Variants in FBXO5 observed in about 807,000 individuals in gnomAD.
FBXO5 encodes the protein F-box only protein 5.
In FBXO5, 8 loss-of-function variants were observed where a neutral mutation model predicts 43.3. The ratio of observed to expected loss-of-function variants is 0.18; its 90% CI spans 0.11 to 0.33. The LOEUF (loss-of-function observed/expected upper bound fraction) is 0.33, where lower values mean the gene tolerates loss of function less well. FBXO5 is among the 10% of genes least tolerant of loss of function. FBXO5 has a pLI of 1.00. For synonymous variants in FBXO5, 204 were observed against 193.7 expected (o/e 1.05, Z -0.44); for missense variants, 491 against 535.7 (o/e 0.92, Z 0.82).
Position 152,971,433 on chromosome 6 carries a change from C to T in FBXO5, c.1093-19G>A. The T allele has an allele frequency of 6.5e-7, 1 of 1,535,598 alleles. No individual in the cohort carries two copies. Among genetic ancestry groups the T allele is most frequent in the Non-Finnish European group, 8.8e-7 (1 of 1,136,896 alleles). On this transcript the variant is annotated intron_variant, in intron 4 of 4. Coordinates refer to ENST00000229758, the MANE Select transcript of FBXO5 (RefSeq NM_012177.5). ...TGGCAACCTAAAAAGAAAAAAAAAA[C>T]CCATTAACAAATTTCAGCAAGAATT... is the stretch of plus-strand genomic sequence containing the variant.
rs142640766 is a variant in FBXO5 at position 152,972,393 on chromosome 6, G to A, written c.971C>T (p.Pro324Leu). The change falls in exon 4 of 5, where the codon CCA becomes CTA. Residue 324 changes from proline (P) to leucine (L), a missense_variant. Physicochemically the swap from Pro to Leu is moderately conservative, Grantham distance 98. Coordinates refer to ENST00000229758, the MANE Select transcript of FBXO5 (RefSeq NM_012177.5). ...TGCTGATTTCTGAACAGAAGCCAGT[G>A]GGGTTCTGAACATAACATATTCTCT... ...STREYVMFRT[P>L]LASVQKSAAQ... 11 of 1,612,414 alleles carry A rather than the reference G, an allele frequency of 6.8e-6. No homozygotes were observed. The highest frequency in any genetic ancestry group is 8.5e-6 in the Non-Finnish European group (10 of 1,179,028).
chr6:152,978,605 G>A (rs1778211828), intron 1 of FBXO5, among the ~76,000 whole-genome samples: 1 of 151,966 alleles, frequency 6.6e-6, no homozygotes, highest in African/African-American at 2.4e-5. Context: ...ATTAGAATCT[G>A]TACTCTTCCT....
chr6:152,976,460 T>C (rs1336617784), intron 1 of FBXO5, among the ~76,000 whole-genome samples: 1 of 152,180 alleles, frequency 6.6e-6, no homozygotes, highest in Non-Finnish European at 1.5e-5. Context: ...GTACCTTGTC[T>C]AATATGTGCT....
chr6:152,974,052 T>C (rs562229857), intron 2 of FBXO5: 2 of 152,022 alleles, frequency 1.3e-5, no homozygotes, highest in East Asian at 3.9e-4. Flanking sequence ...GTTATCTGAC[T>C]AAGTGATTTT....
chr6:152,971,404 G>A lies in FBXO5; in HGVS notation c.1103C>T (p.Thr368Ile). The A allele has an allele frequency of 1.3e-6, 2 of 1,590,294 alleles. No homozygotes were observed. The highest frequency in any genetic ancestry group is 8.5e-7 in the Non-Finnish European group (1 of 1,173,008). Residue 368 changes from threonine to isoleucine, a missense_variant, in exon 5 of 5, where the codon ACA (threonine) becomes ATA (isoleucine). Coordinates refer to ENST00000229758, the MANE Select transcript of FBXO5 (RefSeq NM_012177.5). ...TTTGAGGCTTTCGTTCTTTTTCAAT[G>A]TCTTGGCAACCTAAAAAGAAAAAAA... Reference protein sequence around the residue: ...RHNEFSEVAKTLKKNESLKAC... With the variant: ...RHNEFSEVAKILKKNESLKAC...
intron 1 of FBXO5, among the ~76,000 whole-genome samples, chr6:152,982,384 C>A (rs1778274704): frequency 6.6e-6 from 1 of 151,214 alleles, no homozygotes; most frequent in Admixed American, 6.6e-5. Context: ...TGTGAGGGTG[C>A]GGGGCAGATG....
chr6:152,983,128 GC>G, upstream of FBXO5: 2 of 426,908 alleles, frequency 4.7e-6, no homozygotes, highest in Non-Finnish European at 8.3e-6. Flanking sequence ...TCGCTTGCAT[GC>G]GCGCACCAAT....
At chr6:152,975,775 T>G (rs1159796421) in intron 1 of FBXO5, among the ~76,000 whole-genome samples, 154 bp from the exon 2 acceptor site, 4 of 152,246 alleles carry the variant, frequency 2.6e-5, no homozygotes, top group African/African-American at 4.8e-5. Context: ...TATTCAAGTT[T>G]AATTATTGAT....
intron 1 of FBXO5, among the ~76,000 whole-genome samples, chr6:152,981,166 T>C (rs1192841035): frequency 6.6e-6 from 1 of 152,190 alleles, no homozygotes; most frequent in Non-Finnish European, 1.5e-5. Flanking sequence ...GAATGTCCTA[T>C]TCCTATTTTT....
In FBXO5 at chr6:152,975,502, T is replaced by C. The variant is rs752429531; in HGVS notation, c.223A>G (p.Thr75Ala). 1.6e-4 allele frequency: 253 copies of C among 1,613,836 alleles called. No homozygotes were observed. In the South Asian group the frequency reaches 2.5e-3, roughly 16 times the overall value. ...CAGGAACCTTCCAAATATGCAGGGG[T>C]GTAGGAAACTAGTCTTCCAATGTCA... is the stretch of plus-strand genomic sequence containing the variant. Reference protein sequence around the residue: ...PDDIGRLVSYTPAYLEGSCKD... With the variant: ...PDDIGRLVSYAPAYLEGSCKD... The change falls in exon 2 of 5, where the codon ACC becomes GCC. Residue 75 changes from threonine to alanine, a missense_variant. Coordinates refer to ENST00000229758, the MANE Select transcript of FBXO5 (RefSeq NM_012177.5).
chr6:152,975,224 C>G lies in FBXO5; in HGVS notation c.501G>C (p.Glu167Asp), dbSNP rs1156382573. The G allele has an allele frequency of 1.2e-6, 2 of 1,614,112 alleles. No homozygotes were observed. The highest frequency in any genetic ancestry group is 1.7e-6 in the Non-Finnish European group (2 of 1,180,010). The change falls in exon 2 of 5, where the codon GAG becomes GAC. Residue 167 changes from glutamate (E) to aspartate (D), a missense_variant. Transcript: ENST00000229758. Reference sequence around the variant, plus strand: ...AGGATTGTAGACTGTCACCGAAATTCTCCTCCAGGAGGCTACCTTCTTCAT... The same window carrying G: ...AGGATTGTAGACTGTCACCGAAATTGTCCTCCAGGAGGCTACCTTCTTCAT... Reference protein sequence around the residue: ...SEHEEGSLLEENFGDSLQSCL... With the variant: ...SEHEEGSLLEDNFGDSLQSCL...
chr6:152,975,674 CT>C, intron 1 of FBXO5, 53 bp from the exon 2 acceptor site: 1 of 1,163,038 alleles, frequency 8.6e-7, no homozygotes, highest in Non-Finnish European at 1.2e-6. Context: ...CCACACATCC[CT>C]ACTTCTTAAA....
Position 152,975,584 on chromosome 6 carries a change from C to A in FBXO5, c.141G>T (p.Met47Ile). ...KEESSTLSVK[M>I]KCDFNCNHVH... ...CATGGTTACAATTAAAATCACACTT[C>A]ATTTTGACAGAAAGGGTAGAACTTT... Residue 47 changes from methionine to isoleucine, a missense_variant, in exon 2 of 5, where the codon ATG becomes ATT. Met to Ile is a conservative substitution (Grantham distance 10, BLOSUM62 1). Coordinates refer to ENST00000229758, the MANE Select transcript of FBXO5 (RefSeq NM_012177.5). The A allele has an allele frequency of 3.1e-6, 5 of 1,607,386 alleles. No individual in the cohort carries two copies. In the South Asian group the frequency reaches 5.6e-5, roughly 18 times the overall value.
At chr6:152,979,463 T>G (rs1397040196) in intron 1 of FBXO5, among the ~76,000 whole-genome samples, 2 of 152,242 alleles carry the variant, frequency 1.3e-5, no homozygotes, top group Non-Finnish European at 2.9e-5. Flanking sequence ...CTTGATTACT[T>G]GGCTGAGGTA....
rs758879716 is a variant in FBXO5 at position 152,975,093 on chromosome 6, C to A, written c.632G>T (p.Arg211Leu). ...CATCTCCCGATCTACTTTAGGATTT[C>A]GTTTTGCATTCTTTTTTAATGTTGA... ...VCSTLKKNAK[R>L]NPKVDREMLK... Residue 211 changes from arginine to leucine, a missense_variant, in exon 2 of 5, where the codon CGA becomes CTA. Arg to Leu is a moderately radical substitution (Grantham distance 102). Transcript: ENST00000229758. 2 of 1,614,136 alleles carry A rather than the reference C, an allele frequency of 1.2e-6. No homozygotes were observed. Among genetic ancestry groups the A allele is most frequent in the South Asian group, 1.1e-5 (1 of 91,078 alleles).
At chr6:152,981,761 A>C (rs1377233949) in intron 1 of FBXO5, among the ~76,000 whole-genome samples, 1 of 152,002 alleles carries the variant, frequency 6.6e-6, no homozygotes, top group Non-Finnish European at 1.5e-5. Flanking sequence ...TTAAAATTAA[A>C]ATTAAGTATT....
intron 1 of FBXO5, among the ~76,000 whole-genome samples, chr6:152,977,430 T>A (rs1307422220): frequency 6.6e-6 from 1 of 152,198 alleles, no homozygotes; most frequent in African/African-American, 2.4e-5. Flanking sequence ...TCATAGAAAG[T>A]AACTTGTAGA....
Position 152,974,890 on chromosome 6 carries a change from T to C in FBXO5, c.818+17A>G. The C allele has an allele frequency of 6.4e-7, 1 of 1,554,270 alleles. No individual in the cohort carries two copies. Among genetic ancestry groups the C allele is most frequent in the Non-Finnish European group, 8.7e-7 (1 of 1,151,530 alleles). On this transcript the variant is annotated intron_variant, in intron 2 of 4. Transcript: ENST00000229758. ...TCAGTGTATTATGCTAATATGTATA[T>C]TCAAAACAGTACTTACTTGATTAAG...
At chr6:152,972,918 T>C (rs1387753107) in intron 3 of FBXO5, 128 bp downstream of exon 3, 6 of 540,708 alleles carry the variant, frequency 1.1e-5, no homozygotes, top group Non-Finnish European at 1.9e-5. Flanking sequence ...GGTTTCTAAG[T>C]TCCAGTATAA....
Sources: allele counts gnomAD v4.1 joint callset (sites outside exome capture counted in the v4.1 genomes callset), GRCh38; gene constraint gnomAD v4.1.1; transcripts MANE v1.5; gene names NCBI Gene and HGNC (gene_info 2026-07-23, HGNC 2026-07-21).